The following PRORP variants were observed in gnomAD, a reference collection of about 807,000 sequenced individuals.
PRORP encodes protein only RNase P catalytic subunit.
PRORP carries 51 observed loss-of-function variants against 59.4 expected under a neutral mutation model. That is an observed-to-expected ratio of 0.86 (90% CI 0.69 to 1.08). PRORP has a LOEUF of 1.08. Ranked by LOEUF, PRORP falls within the 50% of genes least tolerant of loss-of-function variation. PRORP has a pLI of 0.00. For synonymous variants in PRORP, 231 were observed against 245.6 expected (o/e 0.94, Z 0.55); for missense variants, 646 against 690.3 (o/e 0.94, Z 0.72).
At chr14:35,167,722 C>G (rs2048219812) in intron 4 of PRORP, among the ~76,000 whole-genome samples, 1 of 152,134 alleles carries the variant, frequency 6.6e-6, no homozygotes, top group Non-Finnish European at 1.5e-5. Flanking sequence ...GCACTGCTTC[C>G]AACCAAAAGA....
At chr14:35,208,169 A>G (rs1051617783) in intron 5 of PRORP, among the ~76,000 whole-genome samples, 3 of 152,026 alleles carry the variant, frequency 2.0e-5, no homozygotes, top group African/African-American at 4.8e-5. Flanking sequence ...AAAAGACTAT[A>G]GTTAAAGATG....
chr14:35,270,729 G>C (rs1177039355), intron 7 of PRORP, 133 bp downstream of exon 7: 1 of 815,106 alleles, frequency 1.2e-6, no homozygotes, highest in Admixed American at 2.7e-5. Flanking sequence ...TTAGTATTTG[G>C]AACTAGCCAG....
chr14:35,257,527 C>A (rs1195477060), intron 5 of PRORP, among the ~76,000 whole-genome samples: 1 of 152,178 alleles, frequency 6.6e-6, no homozygotes, highest in East Asian at 1.9e-4. Flanking sequence ...ATTAGAATTT[C>A]ATTCCTGTTT....
chr14:35,177,457 C>T (rs2048482668), intron 4 of PRORP, among the ~76,000 whole-genome samples: 1 of 152,040 alleles, frequency 6.6e-6, no homozygotes, highest in Non-Finnish European at 1.5e-5. Context: ...CAACTTCTTC[C>T]TGGTTTAGTC....
At chr14:35,262,169 TA>T (rs1048801725) in intron 5 of PRORP, among the ~76,000 whole-genome samples, 1 of 151,992 alleles carries the variant, frequency 6.6e-6, no homozygotes, top group Non-Finnish European at 1.5e-5. Context: ...ATTTTTTTTA[TA>T]ATTTTATTAT....
At chr14:35,218,285 C>T (rs1167510555) in intron 5 of PRORP, among the ~76,000 whole-genome samples, 1 of 151,046 alleles carries the variant, frequency 6.6e-6, no homozygotes. Flanking sequence ...CATAGTAAGA[C>T]CCTGTCTCTA....
chr14:35,190,405 GA>G (rs112931212), intron 5 of PRORP, among the ~76,000 whole-genome samples: 59,852 of 145,522 alleles, frequency 0.41, 12,317 homozygotes, highest in East Asian at 0.69. Context: ...TCTCAAAAAG[GA>G]AAAAAAAAAA....
At chr14:35,147,891 G>T (rs750874313) in intron 4 of PRORP, among the ~76,000 whole-genome samples, 2 of 152,132 alleles carry the variant, frequency 1.3e-5, no homozygotes, top group South Asian at 2.1e-4. Flanking sequence ...TTTATTTCAA[G>T]AAACCACTTT....
rs145403113 is a variant in PRORP at position 35,179,511 on chromosome 14, T to C, written c.1168-1159T>C. Among the ~76,000 whole-genome samples the C allele has an allele frequency of 2.8e-4, 43 of 152,332 alleles. No homozygotes were observed. In the East Asian group the frequency reaches 6.9e-3, roughly 25 times the overall value. ...TTTCATCTTCCATCACTGATACCCTTTCTTCCAGTTGATCGAGTCGGTTAC... is the reference window on the plus strand; with the variant it reads ...TTTCATCTTCCATCACTGATACCCTCTCTTCCAGTTGATCGAGTCGGTTAC... On this transcript the variant is annotated intron_variant, in intron 4 of 7. Transcript: ENST00000534898.
intron 5 of PRORP, among the ~76,000 whole-genome samples, chr14:35,204,278 A>C (rs1390900082): frequency 6.6e-6 from 1 of 152,228 alleles, no homozygotes; most frequent in African/African-American, 2.4e-5. Flanking sequence ...TGCTTGAGAA[A>C]GAAAATAGGT....
intron 4 of PRORP, chr14:35,158,141 C>T: frequency 3.6e-6 from 1 of 277,716 alleles, no homozygotes. Flanking sequence ...GCTCCATTTC[C>T]AGCTCCGTCT....
chr14:35,186,601 T>C (rs1274325108), intron 5 of PRORP, among the ~76,000 whole-genome samples: 1 of 151,736 alleles, frequency 6.6e-6, no homozygotes, highest in South Asian at 2.1e-4. Flanking sequence ...CATTTTCTTT[T>C]TTTTTTTCTT....
At chr14:35,251,861 A>AT (rs2050623550) in intron 5 of PRORP, among the ~76,000 whole-genome samples, 1 of 152,028 alleles carries the variant, frequency 6.6e-6, no homozygotes, top group Non-Finnish European at 1.5e-5. Context: ...GCTGTTTAAT[A>AT]TTTTTGTTAA....
intron 5 of PRORP, among the ~76,000 whole-genome samples, chr14:35,200,038 C>T (rs1037435105): frequency 6.6e-6 from 1 of 151,958 alleles, no homozygotes; most frequent in African/African-American, 2.4e-5. Flanking sequence ...AACAGCCATT[C>T]GTCTTCAAAT....
Position 35,141,457 on chromosome 14 carries a change from G to A in PRORP, c.1167+13846G>A, listed in dbSNP as rs539169312. Among the ~76,000 whole-genome samples, 118 of 143,334 alleles carry A rather than the reference G, an allele frequency of 8.2e-4. 16 individuals are homozygous for A. Among genetic ancestry groups the A allele is most frequent in the South Asian group, 3.9e-3 (17 of 4,342 alleles). The allele number at this position is 143,334 out of a possible 152,430, so 94.0% of individuals were successfully genotyped here. The stretch of plus-strand genomic sequence containing the variant: ...TTATTTTAATTTTTTCTGTAGAGAC[G>A]GGGTCTCACTATGTTGCCTAGGCTG... On this transcript the variant is annotated intron_variant, in intron 4 of 7. Transcript: ENST00000534898.
intron 5 of PRORP, among the ~76,000 whole-genome samples, chr14:35,240,074 CAA>C (rs773150066): frequency 1.5e-4 from 16 of 107,262 alleles, no homozygotes; most frequent in African/African-American, 2.1e-4. Context: ...GACTCCATCT[CAA>C]AAAAAAAAAA....
chr14:35,175,868 T>A (rs1398505045), intron 4 of PRORP, among the ~76,000 whole-genome samples: 1 of 152,184 alleles, frequency 6.6e-6, no homozygotes, highest in Non-Finnish European at 1.5e-5. Context: ...GTTTTTATGG[T>A]TTTAGGTCTA....
chr14:35,148,595 T>C (rs1331952305), intron 4 of PRORP, among the ~76,000 whole-genome samples: 1 of 152,198 alleles, frequency 6.6e-6, no homozygotes. Context: ...TTGACTTCAA[T>C]AAAGTCACCA....
intron 5 of PRORP, among the ~76,000 whole-genome samples, chr14:35,230,595 T>A (rs1053597775): frequency 6.6e-6 from 1 of 152,202 alleles, no homozygotes. Flanking sequence ...GTAGGTATCC[T>A]GCATTACAAT....
Sources: gnomAD v4.1 joint callset for allele counts (sites outside exome capture counted in the v4.1 genomes callset) on GRCh38, gnomAD v4.1.1 for gene constraint, MANE v1.5 for transcripts, NCBI Gene and HGNC (gene_info 2026-07-23, HGNC 2026-07-21) for gene names.